GRIK2: variants seen among roughly 807,000 people sequenced by gnomAD.
GRIK2 encodes glutamate ionotropic receptor kainate type subunit 2, also known as glutamate receptor ionotropic, kainate 2.
Under a neutral mutation model 100.3 loss-of-function variants are expected in GRIK2, and 32 were observed. That is an observed-to-expected ratio of 0.32 (90% CI 0.24 to 0.43). The LOEUF (loss-of-function observed/expected upper bound fraction) is 0.43. Among genes scored for constraint, GRIK2 ranks in the 20% least tolerant of loss-of-function variants. The pLI is 1.00. For missense variants in GRIK2, 843 were observed against 1,114.9 expected (o/e 0.76, Z 3.47); for synonymous variants, 417 against 389.4 (o/e 1.07, Z -0.83).
Position 101,550,056 on chromosome 6 carries a change from A to G in GRIK2, c.116-71893A>G, listed in dbSNP as rs572701016. 5.3e-5 allele frequency among the ~76,000 whole-genome samples: 8 copies of G among 152,296 alleles called. No homozygotes were observed. The East Asian group carries it at 1.4e-3, about 26-fold the overall frequency. Reference sequence around the variant, plus strand: ...TTGCACAAATCATTTTCTATTAGCTATCAAGCACAAACTGAGCCAAAAGCT... The same window carrying G: ...TTGCACAAATCATTTTCTATTAGCTGTCAAGCACAAACTGAGCCAAAAGCT... On this transcript the variant is annotated intron_variant, in intron 2 of 16. Coordinates refer to ENST00000369134, the MANE Select transcript of GRIK2 (RefSeq NM_021956.5).
chr6:101,538,838 G>A (rs1775848918), intron 2 of GRIK2, among the ~76,000 whole-genome samples: 1 of 151,698 alleles, frequency 6.6e-6, no homozygotes, highest in Non-Finnish European at 1.5e-5. Flanking sequence ...TTAAAATGTT[G>A]TTGCCTTGAT....
At chr6:102,024,938 A>G (rs1164767455) in intron 14 of GRIK2, among the ~76,000 whole-genome samples, 1 of 149,242 alleles carries the variant, frequency 6.7e-6, no homozygotes, top group Non-Finnish European at 1.5e-5. Context: ...ATATATATAT[A>G]TTATTTATAA....
At chr6:101,483,871 C>T (rs768593870) in intron 2 of GRIK2, among the ~76,000 whole-genome samples, 5 of 152,156 alleles carry the variant, frequency 3.3e-5, no homozygotes, top group Non-Finnish European at 5.9e-5. Flanking sequence ...TGCCCGGACC[C>T]TGTGTTAGTT....
chr6:101,552,927 G>T (rs1776578186), intron 2 of GRIK2, among the ~76,000 whole-genome samples: 1 of 152,062 alleles, frequency 6.6e-6, no homozygotes, highest in African/African-American at 2.4e-5. Context: ...CATAAGTTTA[G>T]GCAGCTCTGC....
At chr6:102,033,338 T>C (rs1248412994) in intron 14 of GRIK2, among the ~76,000 whole-genome samples, 1 of 151,308 alleles carries the variant, frequency 6.6e-6, no homozygotes, top group Non-Finnish European at 1.5e-5. Flanking sequence ...ACTTATTTCT[T>C]CTGGTTTTAA....
At chr6:101,932,355 G>A (rs1332307041) in intron 14 of GRIK2, among the ~76,000 whole-genome samples, 1 of 152,000 alleles carries the variant, frequency 6.6e-6, no homozygotes, top group Non-Finnish European at 1.5e-5. Context: ...CCAAATTGAT[G>A]TATTCCTAGT....
At chr6:101,831,997 T>C (rs1782730717) in intron 10 of GRIK2, among the ~76,000 whole-genome samples, 1 of 152,072 alleles carries the variant, frequency 6.6e-6, no homozygotes, top group South Asian at 2.1e-4. Context: ...CTTGGTATCA[T>C]CTGTAGGCTC....
chr6:101,745,990 A>G (rs1776398131), intron 7 of GRIK2, among the ~76,000 whole-genome samples: 1 of 152,188 alleles, frequency 6.6e-6, no homozygotes, highest in African/African-American at 2.4e-5. Flanking sequence ...ATAACAAATT[A>G]TATTTCGCGG....
At chr6:101,673,363 C>T (rs1156420348) in intron 4 of GRIK2, among the ~76,000 whole-genome samples, 1 of 152,108 alleles carries the variant, frequency 6.6e-6, no homozygotes, top group Non-Finnish European at 1.5e-5. Flanking sequence ...TATTTCTTTC[C>T]CCGGTTCTTC....
rs916802667 is a variant in GRIK2 at position 101,529,962 on chromosome 6, TAGAG to T, written c.116-91983_116-91980del. 5.9e-5 allele frequency among the ~76,000 whole-genome samples: 9 copies of T among 152,126 alleles called. No individual in the cohort carries two copies. The East Asian group carries it at 1.2e-3, about 20-fold the overall frequency. On this transcript the variant is annotated intron_variant, in intron 2 of 16. Coordinates refer to ENST00000369134, the MANE Select transcript of GRIK2 (RefSeq NM_021956.5). Reference sequence around the variant, plus strand: ...AGGTAAATAATGGCACTTCTAAAATTAGAGAGACATTAAAAAATATGTAACAGCC... The same window carrying T: ...AGGTAAATAATGGCACTTCTAAAATTAGACATTAAAAAATATGTAACAGCC...
chr6:101,920,152 A>AAAT (rs1789394939), intron 12 of GRIK2, among the ~76,000 whole-genome samples: 1 of 151,924 alleles, frequency 6.6e-6, no homozygotes, highest in Non-Finnish European at 1.5e-5. Context: ...GACCCTCTTC[A>AAAT]TTTTATAAAT....
In GRIK2 at chr6:101,896,950, G is replaced by A. The variant is rs1332938936; in HGVS notation, c.1748+7087G>A. On this transcript the variant is annotated intron_variant, in intron 12 of 16. Transcript: ENST00000369134. Reference sequence around the variant, plus strand: ...TTCTTATATTTGCTACCAAAAAATGGCACCTCTGTTCTTAATCAATTCTTT... The same window carrying A: ...TTCTTATATTTGCTACCAAAAAATGACACCTCTGTTCTTAATCAATTCTTT... 4.0e-5 allele frequency among the ~76,000 whole-genome samples: 6 copies of A among 150,780 alleles called. No homozygotes were observed. The Admixed American group carries it at 4.0e-4, about 10-fold the overall frequency.
chr6:101,884,994 G>A (rs904445716), intron 11 of GRIK2, among the ~76,000 whole-genome samples: 25 of 152,046 alleles, frequency 1.6e-4, no homozygotes, highest in Non-Finnish European at 3.1e-4. Flanking sequence ...TCCAGGGAGG[G>A]AAACTTTACC....
chr6:101,607,374 G>A (rs1372287358), intron 2 of GRIK2, among the ~76,000 whole-genome samples: 1 of 151,950 alleles, frequency 6.6e-6, no homozygotes, highest in Non-Finnish European at 1.5e-5. Flanking sequence ...CAGAACATCT[G>A]TTATAATAAC....
At chr6:101,576,680 C>G (rs1777804134) in intron 2 of GRIK2, among the ~76,000 whole-genome samples, 2 of 151,748 alleles carry the variant, frequency 1.3e-5, no homozygotes, top group African/African-American at 2.4e-5. Context: ...ATTTTTCTAC[C>G]AGAATCAAAC....
chr6:101,921,144 T>C (rs1789464510), intron 12 of GRIK2, among the ~76,000 whole-genome samples: 2 of 151,984 alleles, frequency 1.3e-5, no homozygotes, highest in African/African-American at 2.4e-5. Context: ...GGCAAAGAAA[T>C]ATAAAGAATG....
chr6:101,894,571 T>C (rs2128459176), intron 12 of GRIK2, among the ~76,000 whole-genome samples: 1 of 151,812 alleles, frequency 6.6e-6, no homozygotes, highest in Non-Finnish European at 1.5e-5. Flanking sequence ...CTCCTCCTTT[T>C]TCTTTCTCTT....
chr6:101,739,131 G>A (rs1775864174), intron 7 of GRIK2, among the ~76,000 whole-genome samples: 1 of 152,140 alleles, frequency 6.6e-6, no homozygotes, highest in Non-Finnish European at 1.5e-5. Context: ...TTTACAAAAT[G>A]TCACAGTCAC....
At chr6:101,814,960 T>A (rs1781547801) in intron 9 of GRIK2, among the ~76,000 whole-genome samples, 1 of 152,198 alleles carries the variant, frequency 6.6e-6, no homozygotes. Flanking sequence ...CACACTATGT[T>A]GAATACTTTT....
Sources: allele counts gnomAD v4.1 joint callset (sites outside exome capture counted in the v4.1 genomes callset), GRCh38; gene constraint gnomAD v4.1.1; transcripts MANE v1.5; gene names NCBI Gene and HGNC (gene_info 2026-07-23, HGNC 2026-07-21).